Variants in EHMT1 observed in about 807,000 individuals in gnomAD.
EHMT1 encodes the protein histone-lysine N-methyltransferase EHMT1.
Under a neutral mutation model 147.2 loss-of-function variants are expected in EHMT1, and 15 were observed. The observed-to-expected ratio is 0.10, with a 90% CI of 0.07 to 0.16. The LOEUF (loss-of-function observed/expected upper bound fraction) is 0.16. Ranked by LOEUF, EHMT1 falls within the 10% of genes least tolerant of loss-of-function variation. The probability of loss-of-function intolerance (pLI) is 1.00; values close to 1 mark genes in which losing one functional copy is unlikely to be tolerated. For synonymous variants in EHMT1, 795 were observed against 709.6 expected (o/e 1.12, Z -1.91); for missense variants, 1,587 against 1,772.4 (o/e 0.90, Z 1.88).
chr9:137,682,254 G>A (rs771347273), intron 1 of EHMT1, among the ~76,000 whole-genome samples: 2 of 152,006 alleles, frequency 1.3e-5, no homozygotes, highest in African/African-American at 4.8e-5. Flanking sequence ...GGCCAAAATC[G>A]TCCTCTTTAA....
At chr9:137,815,622 A>G in intron 22 of EHMT1, 1 of 400,944 alleles carries the variant, frequency 2.5e-6, no homozygotes, top group South Asian at 2.1e-5. Flanking sequence ...AAGCAGAGCA[A>G]CCCAGGAGCT....
intron 18 of EHMT1, 52 bp downstream of exon 18, chr9:137,801,036 T>C: frequency 6.6e-7 from 1 of 1,514,126 alleles, no homozygotes; most frequent in Non-Finnish European, 9.2e-7. Context: ...GGTGGGGACC[T>C]CCTCCCCCAG....
intron 2 of EHMT1, chr9:137,715,656 A>T (rs994409366): frequency 1.5e-4 from 150 of 985,248 alleles, no homozygotes; most frequent in Non-Finnish European, 1.6e-4. Context: ...CAATCTCGTG[A>T]TGTAAAATAG....
chr9:137,754,019 C>A, intron 7 of EHMT1, 152 bp from the exon 8 acceptor site: 2 of 1,312,684 alleles, frequency 1.5e-6, no homozygotes, highest in South Asian at 1.2e-5. Context: ...AAGCGTGTGA[C>A]CCAGCAAAAT....
chr9:137,649,319 A>T (rs1285417809), intron 1 of EHMT1, among the ~76,000 whole-genome samples: 2 of 151,998 alleles, frequency 1.3e-5, no homozygotes, highest in Non-Finnish European at 2.9e-5. Context: ...AATTAGTCGG[A>T]TGTGGTGACG....
chr9:137,796,859 G>GT (rs36069365), intron 16 of EHMT1, among the ~76,000 whole-genome samples: 42,620 of 151,148 alleles, frequency 0.28, 6,506 homozygotes, highest in Admixed American at 0.41. Flanking sequence ...TCCATACAAC[G>GT]TAACAGGTGG....
At chr9:137,678,620 C>T (rs1416203813) in intron 1 of EHMT1, among the ~76,000 whole-genome samples, 1 of 151,884 alleles carries the variant, frequency 6.6e-6, no homozygotes, top group Admixed American at 6.6e-5. Flanking sequence ...TAGTACTGAA[C>T]TCTCTATATA....
chr9:137,692,457 G>C (rs1270737524), intron 1 of EHMT1, among the ~76,000 whole-genome samples: 1 of 151,794 alleles, frequency 6.6e-6, no homozygotes, highest in Non-Finnish European at 1.5e-5. Flanking sequence ...TGGAAACGGG[G>C]TTTCGCTGTG....
Position 137,669,506 on chromosome 9 carries a change from C to G in EHMT1, c.22-41461C>G, listed in dbSNP as rs1422880210. Among the ~76,000 whole-genome samples, 7 of 115,688 alleles carry G rather than the reference C, an allele frequency of 6.1e-5. No homozygotes were observed. In the East Asian group the frequency reaches 2.0e-3, roughly 33 times the overall value. The allele number at this position is 115,688 out of a possible 152,430, so 75.9% of individuals were successfully genotyped here. A position where few individuals can be genotyped will look rare whatever the true frequency, so the allele number is the denominator to read the frequency against. On this transcript the variant is annotated intron_variant, in intron 1 of 26. Transcript: ENST00000460843. ...CACGTGCACTGGACTCCTCCCAAGA[C>G]GCCCCGCACAGCACGTGCACTCGAC... is the stretch of plus-strand genomic sequence containing the variant.
chr9:137,834,259 C>G, intron 25 of EHMT1, 90 bp from the exon 26 acceptor site: 1 of 1,544,088 alleles, frequency 6.5e-7, no homozygotes, highest in South Asian at 1.1e-5. Flanking sequence ...CAACTGCAGG[C>G]TCCGGGACTG....
At chr9:137,814,297 C>T in intron 21 of EHMT1, 134 bp from the exon 22 acceptor site, 1 of 923,716 alleles carries the variant, frequency 1.1e-6, no homozygotes, top group East Asian at 2.4e-5. Flanking sequence ...TAAGAGGCCA[C>T]ACACTCACGT....
At chr9:137,802,922 G>T in intron 18 of EHMT1, 3 of 1,232,762 alleles carry the variant, frequency 2.4e-6, no homozygotes, top group African/African-American at 1.5e-5. Context: ...AAGCAGAGGA[G>T]CCCTGAGCTG....
At chr9:137,706,285 G>A (rs1020732338) in intron 1 of EHMT1, among the ~76,000 whole-genome samples, 5 of 152,236 alleles carry the variant, frequency 3.3e-5, no homozygotes, top group African/African-American at 1.2e-4. Flanking sequence ...TCTGCAGTGC[G>A]GGGTCTGAGT....
chr9:137,818,266 CCTG>C (rs1426112724), intron 25 of EHMT1, 128 bp downstream of exon 25: 1 of 1,042,180 alleles, frequency 9.6e-7, no homozygotes, highest in Non-Finnish European at 1.5e-6. Context: ...TTGCTATAGA[CCTG>C]CTGAGTGCCG....
chr9:137,687,009 A>G (rs942471468), intron 1 of EHMT1, among the ~76,000 whole-genome samples: 3 of 152,116 alleles, frequency 2.0e-5, no homozygotes. Flanking sequence ...AATTACAGGC[A>G]TGAGCCACCG....
chr9:137,720,224 C>G (rs1945811853), intron 3 of EHMT1, among the ~76,000 whole-genome samples: 1 of 152,274 alleles, frequency 6.6e-6, no homozygotes, highest in East Asian at 1.9e-4. Flanking sequence ...ACCAGGGTCC[C>G]TGACGTCACC....
Position 137,786,659 on chromosome 9 carries a change from G to A in EHMT1, c.2383-4189G>A, listed in dbSNP as rs993393465. The A allele has an allele frequency of 2.0e-5, 3 of 153,186 alleles. No homozygotes were observed. The highest frequency in any genetic ancestry group is 2.0e-4 in the South Asian group (1 of 4,936). 9.5% of individuals were successfully genotyped at this position (153,186 alleles called of 1,614,324 possible). A position where few individuals can be genotyped will look rare whatever the true frequency, so the allele number is the denominator to read the frequency against. ...CCAGCTCCAGTCTTGGTCGTGTGGC[G>A]TCATCTCTCCCTCCGGCTCCGGTCT... On this transcript the variant is annotated intron_variant, in intron 15 of 26. Coordinates refer to ENST00000460843, the MANE Select transcript of EHMT1 (RefSeq NM_024757.5). The surrounding 1 kb of genome is among the most constrained non-coding windows in gnomAD (Gnocchi z 4.3).
chr9:137,669,338 A>ACGCC (rs1564562383), intron 1 of EHMT1, among the ~76,000 whole-genome samples: 2 of 11,908 alleles, frequency 1.7e-4, no homozygotes. Context: ...CAGCACGTGG[A>ACGCC]CCCCACACCA....
intron 25 of EHMT1, among the ~76,000 whole-genome samples, chr9:137,830,172 G>A (rs961480557): frequency 7.3e-5 from 11 of 151,362 alleles, no homozygotes; most frequent in Middle Eastern, 3.4e-3. Context: ...TGGTCAAACT[G>A]CCCCATCTTT....
Sources: gnomAD v4.1 joint callset for allele counts (sites outside exome capture counted in the v4.1 genomes callset) on GRCh38, gnomAD v4.1.1 for gene constraint, Gnocchi (gnomAD v3.1) non-coding constraint, MANE v1.5 for transcripts, NCBI Gene and HGNC (gene_info 2026-07-23, HGNC 2026-07-21) for gene names.